The following TTBK2 variants were observed in gnomAD, a reference collection of about 807,000 sequenced individuals.
The protein encoded by TTBK2 is tau-tubulin kinase 2.
In TTBK2, 28 loss-of-function variants were observed where a neutral mutation model predicts 110.8. The ratio of observed to expected loss-of-function variants is 0.25; its 90% CI spans 0.19 to 0.35. TTBK2 has a LOEUF of 0.35. TTBK2 is among the 10% of genes least tolerant of loss of function. The probability of loss-of-function intolerance (pLI) is 1.00; values close to 1 mark genes in which losing one functional copy is unlikely to be tolerated. For missense variants in TTBK2, 1,369 were observed against 1,500.3 expected (o/e 0.91, Z 1.45); for synonymous variants, 532 against 527.3 (o/e 1.01, Z -0.12).
At chr15:42,844,256 T>C (rs1376364044) in intron 3 of TTBK2, among the ~76,000 whole-genome samples, 1 of 152,178 alleles carries the variant, frequency 6.6e-6, no homozygotes, top group Non-Finnish European at 1.5e-5. Flanking sequence ...AATAGAATAA[T>C]GGCTAATAAA....
chr15:42,850,045 C>A (rs1306508919), intron 3 of TTBK2, among the ~76,000 whole-genome samples: 1 of 152,056 alleles, frequency 6.6e-6, no homozygotes, highest in Admixed American at 6.6e-5. Context: ...AGAAAAAAAG[C>A]AGTGGGGATT....
intron 3 of TTBK2, among the ~76,000 whole-genome samples, chr15:42,863,989 C>T (rs115564983): frequency 0.027 from 4,075 of 152,136 alleles, 181 homozygotes; most frequent in African/African-American, 0.087. Context: ...TAAAAGAAAA[C>T]CTAGGAAATA....
At chr15:42,776,904 C>CA in intron 12 of TTBK2, 127 bp downstream of exon 12, 1 of 1,001,966 alleles carries the variant, frequency 1.0e-6, no homozygotes, top group Non-Finnish European at 1.5e-6. Context: ...CTCAGTGTTA[C>CA]AAAAATGCAA....
At chr15:42,751,420 C>T (rs928555077) in intron 14 of TTBK2, among the ~76,000 whole-genome samples, 1 of 152,182 alleles carries the variant, frequency 6.6e-6, no homozygotes, top group Non-Finnish European at 1.5e-5. Flanking sequence ...GTACTTACTA[C>T]CACTGAACTG....
chr15:42,790,064 G>A (rs181944402), intron 10 of TTBK2, among the ~76,000 whole-genome samples: 106 of 151,910 alleles, frequency 7.0e-4, no homozygotes, highest in African/African-American at 2.2e-3. Flanking sequence ...AAATGGTGCC[G>A]GAAAAACTGG....
chr15:42,811,848 T>C (rs1891735156), intron 7 of TTBK2, 68 bp from the exon 8 acceptor site: 1 of 1,454,474 alleles, frequency 6.9e-7, no homozygotes, highest in South Asian at 1.2e-5. Flanking sequence ...TTGTTCAAGG[T>C]CTAACCATTT....
chr15:42,885,979 T>C (rs1220987965), intron 1 of TTBK2, among the ~76,000 whole-genome samples: 3 of 152,188 alleles, frequency 2.0e-5, no homozygotes, highest in Non-Finnish European at 4.4e-5. Flanking sequence ...AAGATCTAGA[T>C]AATGTTTGTC....
rs1199909720 is a variant in TTBK2 at position 42,743,794 on chromosome 15, T to C, written c.*2001A>G. 1.3e-5 allele frequency: 2 copies of C among 152,164 alleles called. No homozygotes were observed. The highest frequency in any genetic ancestry group is 4.8e-5 in the African/African-American group (2 of 41,428). The allele number at this position is 152,164 out of a possible 1,614,324, so 9.4% of individuals were successfully genotyped here. A position where few individuals can be genotyped will look rare whatever the true frequency, so the allele number is the denominator to read the frequency against. ...TGTTAAATACTGCCCACCCTTGCAT[T>C]GTACACAGGGAAGGCAAGAAGACTC... On this transcript the variant is annotated 3_prime_UTR_variant, in exon 15 of 15. Coordinates refer to ENST00000267890, the MANE Select transcript of TTBK2 (RefSeq NM_173500.4).
At chr15:42,874,850 G>T (rs1894753483) in intron 2 of TTBK2, among the ~76,000 whole-genome samples, 1 of 151,736 alleles carries the variant, frequency 6.6e-6, no homozygotes, top group South Asian at 2.1e-4. Context: ...GCCGGGCGTG[G>T]TGGCATGTGC....
chr15:42,800,986 A>T (rs745338459), intron 9 of TTBK2: 12 of 760,184 alleles, frequency 1.6e-5, no homozygotes, highest in Non-Finnish European at 2.7e-5. Flanking sequence ...ACGTTGGAGG[A>T]CTCAGACACT....
rs957443678 is a variant in TTBK2 at position 42,895,841 on chromosome 15, A to G, written c.-67-17157T>C. On this transcript the variant is annotated intron_variant, in intron 1 of 14. Coordinates refer to ENST00000267890, the MANE Select transcript of TTBK2 (RefSeq NM_173500.4). ...TGTGAGCCACCACACCTGGCCATCA[A>G]AAAGATTCCATTACCACTATCTAAT... is the stretch of plus-strand genomic sequence containing the variant. 4.6e-5 allele frequency among the ~76,000 whole-genome samples: 7 copies of G among 151,930 alleles called. No homozygotes were observed. In the East Asian group the frequency reaches 1.4e-3, roughly 29 times the overall value.
intron 3 of TTBK2, among the ~76,000 whole-genome samples, chr15:42,869,947 C>T (rs1191239585): frequency 3.3e-5 from 5 of 152,050 alleles, no homozygotes; most frequent in Non-Finnish European, 7.4e-5. Context: ...AAAGCCAGGA[C>T]AGGAGGACAG....
At chr15:42,911,127 C>T (rs934843011) in intron 1 of TTBK2, among the ~76,000 whole-genome samples, 5 of 150,736 alleles carry the variant, frequency 3.3e-5, no homozygotes, top group African/African-American at 9.8e-5. Context: ...AAAAATTGAA[C>T]GGGGAGGTTA....
At chr15:42,869,933 T>A (rs765381286) in intron 3 of TTBK2, among the ~76,000 whole-genome samples, 17 of 152,022 alleles carry the variant, frequency 1.1e-4, no homozygotes, top group Non-Finnish European at 2.1e-4. Context: ...TCCCAACACT[T>A]TGGAAAGCCA....
At chr15:42,876,621 C>A (rs1894827410) in intron 2 of TTBK2, among the ~76,000 whole-genome samples, 1 of 152,168 alleles carries the variant, frequency 6.6e-6, no homozygotes, top group East Asian at 1.9e-4. Context: ...TCTAAAGGGT[C>A]TTCTTTTTCC....
At chr15:42,910,572 A>G (rs760434382) in intron 1 of TTBK2, among the ~76,000 whole-genome samples, 23 of 152,250 alleles carry the variant, frequency 1.5e-4, no homozygotes, top group Non-Finnish European at 5.9e-5. Flanking sequence ...CATTCAATAA[A>G]TTGTCACGAA....
chr15:42,807,547 T>C (rs1326633937), intron 9 of TTBK2, among the ~76,000 whole-genome samples: 2 of 152,028 alleles, frequency 1.3e-5, no homozygotes, highest in South Asian at 2.1e-4. Context: ...TAGCCGGGAC[T>C]ACAGGTGCAT....
intron 10 of TTBK2, among the ~76,000 whole-genome samples, chr15:42,791,856 T>C (rs1413356019): frequency 6.6e-6 from 1 of 152,156 alleles, no homozygotes; most frequent in Non-Finnish European, 1.5e-5. Flanking sequence ...CAATAGCTTG[T>C]GTAGGCTGGG....
chr15:42,770,734 C>A (rs1889632718), intron 13 of TTBK2, among the ~76,000 whole-genome samples: 1 of 152,202 alleles, frequency 6.6e-6, no homozygotes, highest in South Asian at 2.1e-4. Context: ...ATACATTCAA[C>A]CCTTCTGCAA....
Sources: gnomAD v4.1 joint callset for allele counts (sites outside exome capture counted in the v4.1 genomes callset) on GRCh38, gnomAD v4.1.1 for gene constraint, MANE v1.5 for transcripts, NCBI Gene and HGNC (gene_info 2026-07-23, HGNC 2026-07-21) for gene names.